The following GLCCI1 variants were observed in gnomAD, a reference collection of about 807,000 sequenced individuals.
GLCCI1 encodes the protein glucocorticoid induced 1, also known as glucocorticoid-induced transcript 1 protein.
Under a neutral mutation model 52.2 loss-of-function variants are expected in GLCCI1, and 24 were observed. That is an observed-to-expected ratio of 0.46 (90% CI 0.33 to 0.65). The LOEUF is 0.65. Ranked by LOEUF, GLCCI1 falls within the 30% of genes least tolerant of loss-of-function variation. GLCCI1 has a pLI of 0.02. For missense variants in GLCCI1, 704 were observed against 701.5 expected, an observed-to-expected ratio of 1.00 and a Z score of -0.04; for synonymous variants, 310 against 276.5, an observed-to-expected ratio of 1.12 and a Z score of -1.20.
chr7:8,029,345 C>T (rs1254462512), intron 3 of GLCCI1, among the ~76,000 whole-genome samples: 1 of 152,092 alleles, frequency 6.6e-6, no homozygotes, highest in African/African-American at 2.4e-5. Context: ...TGAAGAAAAG[C>T]CATATGATCA....
chr7:7,983,203 G>T (rs565350430), intron 1 of GLCCI1, among the ~76,000 whole-genome samples: 24 of 119,164 alleles, frequency 2.0e-4, no homozygotes, highest in Non-Finnish European at 4.2e-4. Flanking sequence ...TACGGCCTCT[G>T]ACTATAACCA....
intron 2 of GLCCI1, among the ~76,000 whole-genome samples, chr7:8,005,789 T>TTTTG (rs201072346): frequency 0.049 from 7,413 of 152,032 alleles, 468 homozygotes; most frequent in African/African-American, 0.14. Flanking sequence ...CTAGTTTTTT[T>TTTTG]TTTGTTTGTT....
chr7:8,006,594 A>C (rs1356853809), intron 2 of GLCCI1, among the ~76,000 whole-genome samples: 1 of 152,232 alleles, frequency 6.6e-6, no homozygotes, highest in Non-Finnish European at 1.5e-5. Context: ...GGTCTGCAGC[A>C]AATATAAAGA....
chr7:8,061,342 C>T (rs1370972977), intron 5 of GLCCI1, among the ~76,000 whole-genome samples: 1 of 152,106 alleles, frequency 6.6e-6, no homozygotes, highest in Non-Finnish European at 1.5e-5. Flanking sequence ...CCTCGTGATC[C>T]GTCCACCTCG....
chr7:7,998,860 T>C (rs190606890), intron 1 of GLCCI1, among the ~76,000 whole-genome samples: 28 of 152,330 alleles, frequency 1.8e-4, no homozygotes. Flanking sequence ...GCTTTTAATG[T>C]CTCTAAATAG....
chr7:7,997,433 A>G (rs1015063593), intron 1 of GLCCI1, among the ~76,000 whole-genome samples: 17 of 152,148 alleles, frequency 1.1e-4, no homozygotes, highest in African/African-American at 4.1e-4. Flanking sequence ...ATTTATGGCT[A>G]TTTTTGATCT....
chr7:7,989,190 G>A lies in GLCCI1; in HGVS notation c.458-14718G>A, dbSNP rs560825690. ...TAAAGCTATAATTTTAAATTGTAGCGGCTAGCATTACCACCCTTACTGTAC... is the reference window on the plus strand; with the variant it reads ...TAAAGCTATAATTTTAAATTGTAGCAGCTAGCATTACCACCCTTACTGTAC... On this transcript the variant is annotated intron_variant, in intron 1 of 7. Transcript: ENST00000223145. 4.1e-4 allele frequency among the ~76,000 whole-genome samples: 63 copies of A among 152,164 alleles called. 1 individual carries two copies. The South Asian group carries it at 0.011, about 26-fold the overall frequency.
chr7:8,041,382 G>C (rs950713122), intron 3 of GLCCI1, among the ~76,000 whole-genome samples: 5 of 152,218 alleles, frequency 3.3e-5, no homozygotes, highest in African/African-American at 1.2e-4. Flanking sequence ...AGGTGAAGAA[G>C]TACTAAGTGG....
In GLCCI1 at chr7:7,969,079, T is replaced by G; in HGVS notation, c.-272T>G. ...GGTGGCGGCGGCGGCTCCGGGCTCC[T>G]TGCGGCCCCGGCCGTGACCGCCACA... On this transcript the variant is annotated 5_prime_UTR_variant, in exon 1 of 8. Transcript: ENST00000223145. The surrounding 1 kb of genome is among the most constrained non-coding windows in gnomAD (Gnocchi z 4.9). 5.6e-6 allele frequency: 1 copy of G among 179,338 alleles called. No individual in the cohort carries two copies. The highest frequency in any genetic ancestry group is 2.4e-5 in the African/African-American group (1 of 41,682). 11.1% of individuals were successfully genotyped at this position (179,338 alleles called of 1,614,324 possible).
intron 1 of GLCCI1, among the ~76,000 whole-genome samples, chr7:7,972,437 ATTG>A (rs1463110815): frequency 6.6e-6 from 1 of 152,196 alleles, no homozygotes; most frequent in African/African-American, 2.4e-5. Context: ...ATAAAGGCAT[ATTG>A]TTTATGAAAA....
At chr7:8,011,871 A>G (rs1781268933) in intron 2 of GLCCI1, among the ~76,000 whole-genome samples, 1 of 152,012 alleles carries the variant, frequency 6.6e-6, no homozygotes. Context: ...GCAGGAATGC[A>G]GTGGCACTAT....
chr7:8,044,315 C>G (rs13226171), intron 3 of GLCCI1, among the ~76,000 whole-genome samples: 1 of 151,620 alleles, frequency 6.6e-6, no homozygotes, highest in Non-Finnish European at 1.5e-5. Context: ...GTATCATCAT[C>G]TTCCTTGACA....
intron 3 of GLCCI1, among the ~76,000 whole-genome samples, chr7:8,030,237 T>C (rs1019259997): frequency 6.6e-6 from 1 of 151,922 alleles, no homozygotes; most frequent in Non-Finnish European, 1.5e-5. Flanking sequence ...CAGAAACAAA[T>C]TCACACACCT....
Position 7,969,781 on chromosome 7 carries a change from G to A in GLCCI1, c.431G>A (p.Arg144Gln), listed in dbSNP as rs1178003630. The change falls in exon 1 of 8, where the codon CGG becomes CAG. Residue 144 changes from arginine (R) to glutamine (Q), a missense_variant. By Grantham distance (43) the Arg-to-Gln change is conservative. Coordinates refer to ENST00000223145, the MANE Select transcript of GLCCI1 (RefSeq NM_138426.4). This position sits in a 1 kb window ranked among gnomAD's most constrained non-coding sequence, Gnocchi z 4.9. Reference protein sequence around the residue: ...SHRRSSSPERRSPGSPVCRAD... With the variant: ...SHRRSSSPERQSPGSPVCRAD... ...CGGAGGAGCAGCTCACCTGAGAGAC[G>A]GAGCCCCGGCTCGCCCGTGTGCAGA... 1.0e-5 allele frequency: 15 copies of A among 1,483,878 alleles called. No individual in the cohort carries two copies. Among genetic ancestry groups the A allele is most frequent in the Admixed American group, 4.3e-5 (2 of 46,334 alleles). 91.9% of individuals were successfully genotyped at this position (1,483,878 alleles called of 1,614,324 possible).
chr7:8,069,625 A>G (rs553577175), intron 5 of GLCCI1, among the ~76,000 whole-genome samples: 62 of 152,272 alleles, frequency 4.1e-4, no homozygotes, highest in African/African-American at 1.5e-3. Context: ...ATGTCATGCT[A>G]GCAGTGCAAG....
At chr7:8,072,833 T>G (rs570240672) in intron 6 of GLCCI1, among the ~76,000 whole-genome samples, 2 of 152,280 alleles carry the variant, frequency 1.3e-5, no homozygotes, top group Non-Finnish European at 2.9e-5. Context: ...TCTGTTTTCT[T>G]TAATACTGTG....
intron 3 of GLCCI1, among the ~76,000 whole-genome samples, chr7:8,032,186 C>T (rs1367851776): frequency 7.9e-5 from 12 of 151,910 alleles, no homozygotes; most frequent in Non-Finnish European, 1.8e-4. Flanking sequence ...TTTCTAATAA[C>T]CCAAGGATAT....
chr7:8,057,296 A>T (rs1026428096), intron 4 of GLCCI1, among the ~76,000 whole-genome samples: 2 of 152,192 alleles, frequency 1.3e-5, no homozygotes, highest in African/African-American at 2.4e-5. Context: ...AAAAGGAAAT[A>T]GACAAACATC....
chr7:8,077,600 C>G (rs1199290565), intron 6 of GLCCI1, among the ~76,000 whole-genome samples: 4 of 151,668 alleles, frequency 2.6e-5, no homozygotes, highest in Non-Finnish European at 5.9e-5. Context: ...GGATAGCTGC[C>G]TCATAGAATT....
Sources: gnomAD v4.1 joint callset for allele counts (sites outside exome capture counted in the v4.1 genomes callset) on GRCh38, gnomAD v4.1.1 for gene constraint, Gnocchi (gnomAD v3.1) non-coding constraint, MANE v1.5 for transcripts, NCBI Gene and HGNC (gene_info 2026-07-23, HGNC 2026-07-21) for gene names.